PHKA1: variants seen among roughly 807,000 people sequenced by gnomAD.
PHKA1 encodes phosphorylase b kinase regulatory subunit alpha, skeletal muscle isoform.
PHKA1 carries 60 observed loss-of-function variants against 110.2 expected under a neutral mutation model. The ratio of observed to expected loss-of-function variants is 0.54; its 90% confidence interval spans 0.44 to 0.68. The LOEUF is 0.68. Ranked by LOEUF, PHKA1 falls within the 30% of genes least tolerant of loss-of-function variation. PHKA1 has a pLI of 0.00. For synonymous variants in PHKA1, 316 were observed against 333.6 expected (o/e 0.95, Z 0.58); for missense variants, 801 against 942.5 (o/e 0.85, Z 1.97).
intron 10 of PHKA1, 33 bp downstream of exon 10, chrX:72,656,087 A>T: frequency 8.3e-7 from 1 of 1,205,973 alleles, no homozygotes; most frequent in South Asian, 1.8e-5. Flanking sequence ...TAACAAAAAC[A>T]TTCTGCTGAA....
intron 18 of PHKA1, chrX:72,622,713 G>A (rs2052997949): frequency 1.4e-6 from 1 of 737,536 alleles, no homozygotes; most frequent in African/African-American, 2.3e-5. Context: ...ATATGAAAAG[G>A]ACTCTAATTA....
intron 30 of PHKA1, 148 bp from the exon 31 acceptor site, chrX:72,582,746 C>G (rs2052356059): frequency 2.0e-6 from 1 of 508,012 alleles, no homozygotes; most frequent in Non-Finnish European, 3.6e-6. Flanking sequence ...CTGCTTCAAT[C>G]TTTTTGGAGG....
At chrX:72,598,581 C>A (rs73500337) in intron 28 of PHKA1, among the ~76,000 whole-genome samples, 3,036 of 110,695 alleles carry the variant, frequency 0.027, 99 homozygotes, top group African/African-American at 0.095. Context: ...TTCATAGCAG[C>A]CAAAAAGTGG....
intron 30 of PHKA1, 67 bp from the exon 31 acceptor site, chrX:72,582,665 C>G (rs2052355373): frequency 4.2e-6 from 3 of 709,944 alleles, no homozygotes; most frequent in African/African-American, 4.2e-5. Context: ...ATCACCTGCT[C>G]TGAAAGGCAG....
intron 5 of PHKA1, among the ~76,000 whole-genome samples, chrX:72,681,467 G>A (rs1194864107): frequency 4.1e-5 from 4 of 97,601 alleles, no homozygotes; most frequent in African/African-American, 1.1e-4. Context: ...CCCCCCGCCC[G>A]GCCAGCCGTG....
Position 72,603,366 on chromosome X carries a change from C to T in PHKA1, c.2816-146G>A, listed in dbSNP as rs782632152. On this transcript the variant is annotated intron_variant, in intron 25 of 31. Coordinates refer to ENST00000373542, the MANE Select transcript of PHKA1 (RefSeq NM_002637.4). ...TACAAAATAAATTGATAGCACCCTA[C>T]TGCTTAGGTATTCTTACTTCCATAG... 12 of 465,685 alleles carry T rather than the reference C, an allele frequency of 2.6e-5. No individual in the cohort carries two copies. The East Asian group carries it at 4.1e-4, about 16-fold the overall frequency. 38.4% of individuals were successfully genotyped at this position (465,685 alleles called of 1,213,427 possible).
intron 4 of PHKA1, among the ~76,000 whole-genome samples, chrX:72,693,937 A>G (rs1344503089): frequency 2.7e-5 from 3 of 111,706 alleles, no homozygotes; most frequent in African/African-American, 9.8e-5. Flanking sequence ...TCCTGGAGTA[A>G]ATGTTTCTCT....
intron 5 of PHKA1, among the ~76,000 whole-genome samples, chrX:72,682,755 C>A (rs1334972993): frequency 6.7e-4 from 54 of 81,022 alleles, no homozygotes; most frequent in African/African-American, 2.5e-3. Context: ...TCACCAATCC[C>A]TAATCTCAAG....
At chrX:72,642,986 A>G (rs1158950648) in intron 14 of PHKA1, among the ~76,000 whole-genome samples, 3 of 111,438 alleles carry the variant, frequency 2.7e-5, no homozygotes, top group Non-Finnish European at 3.8e-5. Flanking sequence ...TAAAGCCAGA[A>G]GCCATGTTAA....
At chrX:72,623,010 C>T (rs1282935875) in intron 18 of PHKA1, 99 bp downstream of exon 18, 48 of 1,183,639 alleles carry the variant, frequency 4.1e-5, no homozygotes, top group Non-Finnish European at 5.1e-5. Flanking sequence ...GAGGATAGAA[C>T]ACTGTGAGAC....
chrX:72,663,594 T>C (rs1556305231), intron 8 of PHKA1, among the ~76,000 whole-genome samples: 1 of 110,189 alleles, frequency 9.1e-6, no homozygotes, highest in Non-Finnish European at 1.9e-5. Context: ...ATGTCAAAAG[T>C]CAAAGACAAA....
At chrX:72,668,423 T>C (rs1556307302) in intron 6 of PHKA1, among the ~76,000 whole-genome samples, 1 of 112,552 alleles carries the variant, frequency 8.9e-6, no homozygotes, top group Non-Finnish European at 1.9e-5. Flanking sequence ...TCACTAGCAG[T>C]ATATGACAAT....
chrX:72,596,506 T>C (rs976251547), intron 28 of PHKA1, among the ~76,000 whole-genome samples: 1 of 111,262 alleles, frequency 9.0e-6, no homozygotes, highest in African/African-American at 3.3e-5. Flanking sequence ...ATGAACAATA[T>C]TAAAATAAAA....
intron 2 of PHKA1, 148 bp from the exon 3 acceptor site, chrX:72,705,393 C>G (rs782401910): frequency 1.4e-5 from 6 of 416,901 alleles, no homozygotes; most frequent in African/African-American, 7.3e-5. Flanking sequence ...TATTGGTACA[C>G]AGAAGAGCAG....
intron 6 of PHKA1, among the ~76,000 whole-genome samples, chrX:72,667,736 G>A (rs1225062458): frequency 5.4e-5 from 6 of 111,393 alleles, no homozygotes; most frequent in African/African-American, 2.0e-4. Context: ...CCTTCTATGA[G>A]TTCAACTTCT....
In PHKA1 at chrX:72,695,879, G is replaced by C; in HGVS notation, c.286-3C>G. 1.7e-6 allele frequency: 2 copies of C among 1,201,283 alleles called. No individual in the cohort carries two copies. The highest frequency in any genetic ancestry group is 2.3e-6 in the Non-Finnish European group (2 of 886,297). ...TTGAAGGATTCTACTTTATCCACCT[G>C]AAAAGAACAAAAACATTAAAAGAAG... On this transcript the variant is annotated splice_polypyrimidine_tract_variant and splice_region_variant and intron_variant, in intron 3 of 31. Coordinates refer to ENST00000373542, the MANE Select transcript of PHKA1 (RefSeq NM_002637.4).
intron 10 of PHKA1, among the ~76,000 whole-genome samples, 174 bp downstream of exon 10, chrX:72,655,945 GA>G (rs1458432347): frequency 8.9e-6 from 1 of 112,165 alleles, no homozygotes; most frequent in African/African-American, 3.2e-5. Context: ...TTAAAAAGAA[GA>G]AAAAAATAAT....
chrX:72,594,545 A>C lies in PHKA1; in HGVS notation c.3073-1271T>G, dbSNP rs2052564725. Among the ~76,000 whole-genome samples, 3 of 112,680 alleles carry C rather than the reference A, an allele frequency of 2.7e-5. No homozygotes were observed. The South Asian group carries it at 1.1e-3, about 41-fold the overall frequency. The stretch of plus-strand genomic sequence containing the variant: ...CTCAATGAAACAGACAAATTCCTAG[A>C]AAGACACAAACTACCCAAACCAACT... On this transcript the variant is annotated intron_variant, in intron 28 of 31. Coordinates refer to ENST00000373542, the MANE Select transcript of PHKA1 (RefSeq NM_002637.4).
At chrX:72,600,794 T>G (rs1176263529) in intron 28 of PHKA1, among the ~76,000 whole-genome samples, 2 of 111,361 alleles carry the variant, frequency 1.8e-5, no homozygotes, top group Non-Finnish European at 3.8e-5. Context: ...ATTTTGTGCC[T>G]GTTAATAGCC....
Sources: allele counts gnomAD v4.1 joint callset (sites outside exome capture counted in the v4.1 genomes callset), GRCh38; gene constraint gnomAD v4.1.1; transcripts MANE v1.5; gene names NCBI Gene and HGNC (gene_info 2026-07-23, HGNC 2026-07-21).